PRDM1: variants seen among roughly 807,000 people sequenced by gnomAD.
PRDM1 encodes PR domain zinc finger protein 1.
Under a neutral mutation model 62.8 loss-of-function variants are expected in PRDM1, and 13 were observed. The ratio of observed to expected loss-of-function variants is 0.21; its 90% CI spans 0.13 to 0.33. The LOEUF is 0.33. Ranked by LOEUF, PRDM1 falls within the 10% of genes least tolerant of loss-of-function variation. The pLI is 1.00. For missense variants in PRDM1, 895 were observed against 1,058.8 expected (o/e 0.85, Z 2.15); for synonymous variants, 396 against 417.6 (o/e 0.95, Z 0.63).
chr6:106,069,998 C>T (rs900368879), intron 1 of PRDM1, among the ~76,000 whole-genome samples: 2 of 152,044 alleles, frequency 1.3e-5, no homozygotes, highest in Non-Finnish European at 2.9e-5. Context: ...ACTTCTCCCT[C>T]AATTTTTTTT....
intron 4 of PRDM1, among the ~76,000 whole-genome samples, chr6:106,104,413 G>A (rs1774376390): frequency 6.6e-6 from 1 of 152,158 alleles, no homozygotes; most frequent in Admixed American, 6.5e-5. Context: ...GTTTCTCCAT[G>A]TTGGTCAGGC....
chr6:106,104,445 A>AGGT (rs2114648993), intron 4 of PRDM1, among the ~76,000 whole-genome samples: 2 of 152,316 alleles, frequency 1.3e-5, no homozygotes, highest in South Asian at 4.1e-4. Flanking sequence ...TTCCGACCTC[A>AGGT]GGTGATCCGC....
chr6:106,071,493 G>C (rs902934817), intron 1 of PRDM1, among the ~76,000 whole-genome samples: 1 of 152,016 alleles, frequency 6.6e-6, no homozygotes, highest in African/African-American at 2.4e-5. Flanking sequence ...ATTTTGCATT[G>C]ATTTTCTGGT....
chr6:106,059,512 G>A lies in PRDM1; in HGVS notation c.-67+10798G>A, dbSNP rs923573686. On this transcript the variant is annotated intron_variant, in intron 1 of 6. Transcript: ENST00000651185. ...CCAAGAGATAGGTAGAACATGGAAG[G>A]GCCTGGTTTGCATACCTTGGCAAGT... Among the ~76,000 whole-genome samples, 3 of 152,176 alleles carry A rather than the reference G, an allele frequency of 2.0e-5. No homozygotes were observed. In the South Asian group the frequency reaches 6.2e-4, roughly 32 times the overall value.
Position 106,093,994 on chromosome 6 carries a change from A to G in PRDM1, c.292-1621A>G, listed in dbSNP as rs542533752. ...GAAAAAAAAATCATTGGCTGATAAGACACTTAAATGAGAAAAGCTAGTCTG... is the reference window on the plus strand; with the variant it reads ...GAAAAAAAAATCATTGGCTGATAAGGCACTTAAATGAGAAAAGCTAGTCTG... On this transcript the variant is annotated intron_variant, in intron 2 of 6. Coordinates refer to ENST00000369096, the MANE Select transcript of PRDM1 (RefSeq NM_001198.4). Among the ~76,000 whole-genome samples the G allele has an allele frequency of 6.6e-5, 10 of 152,364 alleles. No individual in the cohort carries two copies. The South Asian group carries it at 2.1e-3, about 32-fold the overall frequency.
Position 106,107,506 on chromosome 6 carries a change from T to A in PRDM1, c.*20T>A, listed in dbSNP as rs1433008476. 10 of 1,570,764 alleles carry A rather than the reference T, an allele frequency of 6.4e-6. No homozygotes were observed. In the African/African-American group the frequency reaches 1.4e-4, roughly 22 times the overall value. On this transcript the variant is annotated 3_prime_UTR_variant, in exon 7 of 7. Transcript: ENST00000369096. ...CCTTAAGATTTTCAGAAAACACTTA[T>A]TTTGTTTCTTAAGTTATGACTTGGT...
At chr6:106,045,047 C>T (rs1053000742), upstream of PRDM1, among the ~76,000 whole-genome samples, 2 of 152,190 alleles carry the variant, frequency 1.3e-5, no homozygotes, top group Non-Finnish European at 2.9e-5. Context: ...AAGGGAGATG[C>T]ATATGGTATT....
At chr6:105,999,496 G>A (rs1466105322) in intron 1 of PRDM1, among the ~76,000 whole-genome samples, 2 of 152,100 alleles carry the variant, frequency 1.3e-5, no homozygotes, top group East Asian at 1.9e-4. Flanking sequence ...TCAGCCAGGG[G>A]CACTCCTCCT....
At chr6:106,091,979 T>C (rs1448003468) in intron 2 of PRDM1, among the ~76,000 whole-genome samples, 2 of 152,124 alleles carry the variant, frequency 1.3e-5, no homozygotes, top group Admixed American at 1.3e-4. Context: ...TAGAGTGGGA[T>C]TCGGGGAGGG....
chr6:106,006,927 G>A lies in PRDM1; in HGVS notation c.-67+13288G>A. On this transcript the variant is annotated intron_variant, in intron 1 of 6. Coordinates refer to the PRDM1 transcript ENST00000652320. Reference sequence around the variant, plus strand: ...TGCTCAGTGATCGTTTATGGCACTTGTGTGTAATTTGGAAGGTGTACTAAG... The same window carrying A: ...TGCTCAGTGATCGTTTATGGCACTTATGTGTAATTTGGAAGGTGTACTAAG... 1.3e-5 allele frequency among the ~76,000 whole-genome samples: 2 copies of A among 151,956 alleles called. 1 individual carries two copies. The highest frequency in any genetic ancestry group is 2.9e-5 in the Non-Finnish European group (2 of 67,954).
rs886641471 is a variant in PRDM1 at position 105,994,925 on chromosome 6, A to T, written c.-67+1286A>T. On this transcript the variant is annotated intron_variant, in intron 1 of 6. Coordinates refer to the PRDM1 transcript ENST00000652320. The surrounding 1 kb of genome is among the most constrained non-coding windows in gnomAD (Gnocchi z 4.1). ...GTCGCGGGAGCCTCCCGGCTTGCGG[A>T]GGGCTTGAGTTTTTTGGCGGAGACA... 6.6e-6 allele frequency among the ~76,000 whole-genome samples: 1 copy of T among 152,048 alleles called. No individual in the cohort carries two copies. The highest frequency in any genetic ancestry group is 1.5e-5 in the Non-Finnish European group (1 of 67,974).
At chr6:105,995,807 ACT>A (rs1286975113) in intron 1 of PRDM1, among the ~76,000 whole-genome samples, 1 of 152,186 alleles carries the variant, frequency 6.6e-6, no homozygotes, top group Non-Finnish European at 1.5e-5. Context: ...TCAGCCACAA[ACT>A]CTGATCCAAA....
At chr6:106,092,184 A>C in intron 2 of PRDM1, among the ~76,000 whole-genome samples, 1 of 151,768 alleles carries the variant, frequency 6.6e-6, no homozygotes, top group Non-Finnish European at 1.5e-5. Flanking sequence ...CCTTCCATTA[A>C]GCGCTCCAAC....
At chr6:106,057,901 T>G (rs532990191) in intron 1 of PRDM1, among the ~76,000 whole-genome samples, 1 of 152,344 alleles carries the variant, frequency 6.6e-6, no homozygotes, top group East Asian at 1.9e-4. Flanking sequence ...AGGTATATTC[T>G]GAAAATCATA....
chr6:106,062,299 T>C (rs1773357168), intron 1 of PRDM1, among the ~76,000 whole-genome samples: 1 of 152,228 alleles, frequency 6.6e-6, no homozygotes, highest in African/African-American at 2.4e-5. Context: ...TAAGGGTAAT[T>C]TTCTATTTGT....
At chr6:106,066,490 A>T (rs1582447515) in intron 1 of PRDM1, among the ~76,000 whole-genome samples, 1 of 152,202 alleles carries the variant, frequency 6.6e-6, no homozygotes, top group East Asian at 1.9e-4. Flanking sequence ...CCCACAGAGC[A>T]GGTTGGATTT....
rs535028754 is a variant in PRDM1 at position 106,065,650 on chromosome 6, C to T, written c.-67+16936C>T. On this transcript the variant is annotated intron_variant, in intron 1 of 6. Coordinates refer to the PRDM1 transcript ENST00000651185. ...GTAATACAGGACTAGGCTGGCTGCC[C>T]AATAATATATAAATATAGAAAATGA... Among the ~76,000 whole-genome samples the T allele has an allele frequency of 2.6e-4, 39 of 152,152 alleles. No individual in the cohort carries two copies. In the Middle Eastern group the frequency reaches 0.01, roughly 40 times the overall value.
intron 1 of PRDM1, among the ~76,000 whole-genome samples, chr6:106,080,137 C>T (rs760013102): frequency 1.3e-5 from 2 of 152,160 alleles, no homozygotes; most frequent in Non-Finnish European, 1.5e-5. Flanking sequence ...CTTTACTCTG[C>T]CTAGCTGGTG....
intron 1 of PRDM1, among the ~76,000 whole-genome samples, chr6:106,024,242 C>T (rs1287398950): frequency 6.6e-6 from 1 of 152,200 alleles, no homozygotes; most frequent in Non-Finnish European, 1.5e-5. Flanking sequence ...GGTCCTACGG[C>T]TGTCTGCACA....
Sources: gnomAD v4.1 joint callset for allele counts (sites outside exome capture counted in the v4.1 genomes callset) on GRCh38, gnomAD v4.1.1 for gene constraint, Gnocchi (gnomAD v3.1) non-coding constraint, MANE v1.5 for transcripts, NCBI Gene and HGNC (gene_info 2026-07-23, HGNC 2026-07-21) for gene names.